Variants in AAK1 observed in about 807,000 individuals in gnomAD.
AAK1 encodes the protein AP2-associated protein kinase 1.
A neutral mutation model predicts 116.0 loss-of-function variants in AAK1; 37 were observed. That is an observed-to-expected ratio of 0.32 (90% CI 0.25 to 0.42). The LOEUF (loss-of-function observed/expected upper bound fraction) is 0.42, where lower values mean the gene tolerates loss of function less well. Ranked by LOEUF, AAK1 falls within the 10% of genes least tolerant of loss-of-function variation. AAK1 has a pLI of 1.00. For synonymous variants in AAK1, 458 were observed against 439.9 expected (o/e 1.04, Z -0.51); for missense variants, 919 against 1,170.6 (o/e 0.79, Z 3.14).
intron 3 of AAK1, among the ~76,000 whole-genome samples, chr2:69,551,220 C>T (rs549152611): frequency 5.9e-5 from 9 of 152,076 alleles, no homozygotes; most frequent in East Asian, 1.9e-4. Flanking sequence ...TAGCGGGTAA[C>T]GACACACACT....
Position 69,530,667 on chromosome 2 carries a change from G to A in AAK1, c.696C>T (p.Asn232=). The change falls in exon 7 of 22, where the codon AAC becomes AAT. Residue 232 remains asparagine (N), a synonymous_variant. Transcript: ENST00000409085. Reference sequence around the variant, plus strand: ...TAGTGATGATTTTGCCACTGTACAGGTTGACCATTTCTGGTGCTCGATAGG... The same window carrying A: ...TAGTGATGATTTTGCCACTGTACAGATTGACCATTTCTGGTGCTCGATAGG... ...TLSYRAPEMV[N]LYSGKIITTK... The A allele has an allele frequency of 1.2e-6, 2 of 1,613,768 alleles. No individual in the cohort carries two copies. The highest frequency in any genetic ancestry group is 1.7e-6 in the Non-Finnish European group (2 of 1,179,746).
intron 2 of AAK1, among the ~76,000 whole-genome samples, chr2:69,601,353 G>A (rs1330474140): frequency 6.6e-6 from 1 of 152,230 alleles, no homozygotes; most frequent in Non-Finnish European, 1.5e-5. Context: ...AGAGTTGTCT[G>A]ATAAGATAAG....
chr2:69,470,456 T>C lies in AAK1; in HGVS notation c.*5413A>G. 2 of 985,412 alleles carry C rather than the reference T, an allele frequency of 2.0e-6. No homozygotes were observed. The highest frequency in any genetic ancestry group is 2.4e-6 in the Non-Finnish European group (2 of 829,940). The allele number at this position is 985,412 out of a possible 1,614,324, so 61.0% of individuals were successfully genotyped here. On this transcript the variant is annotated 3_prime_UTR_variant, in exon 22 of 22. Coordinates refer to ENST00000409085, the MANE Select transcript of AAK1 (RefSeq NM_014911.5). ...TTGGTTCCACCATATATTAGGTAGC[T>C]GCATTAAAACCCACGACTGGGAAAT...
At chr2:69,514,826 T>C in intron 12 of AAK1, 77 bp from the exon 13 acceptor site, 1 of 1,445,004 alleles carries the variant, frequency 6.9e-7, no homozygotes, top group Non-Finnish European at 9.2e-7. Flanking sequence ...TCAAAAACAA[T>C]GAAGACCAGT....
rs762063004 is a variant in AAK1, at chr2:69,495,836, T to C, written c.2365+149A>G. The C allele has an allele frequency of 5.0e-4, 315 of 629,374 alleles. 1 individual carries two copies. The highest frequency in any genetic ancestry group is 7.4e-4 in the Non-Finnish European group (275 of 373,080). The allele number at this position is 629,374 out of a possible 1,614,324, so 39.0% of individuals were successfully genotyped here. Reference sequence around the variant, plus strand: ...CTCCAGGACAAGTTTACTCCTCTTATTGAGACACAGTAAAAATATACAACA... The same window carrying C: ...CTCCAGGACAAGTTTACTCCTCTTACTGAGACACAGTAAAAATATACAACA... On this transcript the variant is annotated intron_variant, in intron 17 of 21. Coordinates refer to ENST00000409085, the MANE Select transcript of AAK1 (RefSeq NM_014911.5).
chr2:69,497,552 G>A (rs911688731), intron 16 of AAK1, among the ~76,000 whole-genome samples: 4 of 151,446 alleles, frequency 2.6e-5, no homozygotes, highest in African/African-American at 7.3e-5. Flanking sequence ...CAACTGCCTC[G>A]GCCTCCCAAA....
intron 17 of AAK1, among the ~76,000 whole-genome samples, chr2:69,485,180 CTTTTAAGTTAGCACTCATA>C (rs1675245146): frequency 1.3e-5 from 2 of 152,144 alleles, no homozygotes; most frequent in South Asian, 4.1e-4. Flanking sequence ...TTACTTGCTT[CTTTTAAGTTAGCACTCATA>C]TATTTGCAAT....
At chr2:69,607,533 T>C (rs1673863126) in intron 2 of AAK1, among the ~76,000 whole-genome samples, 1 of 152,168 alleles carries the variant, frequency 6.6e-6, no homozygotes, top group Non-Finnish European at 1.5e-5. Context: ...AATAAAATAA[T>C]TTATCAAACA....
At chr2:69,627,389 A>T (rs970988808) in intron 2 of AAK1, among the ~76,000 whole-genome samples, 1 of 152,142 alleles carries the variant, frequency 6.6e-6, no homozygotes, top group Non-Finnish European at 1.5e-5. Flanking sequence ...CTGCTGATAC[A>T]TGCTACACGG....
chr2:69,585,755 G>A (rs756945677), intron 2 of AAK1, among the ~76,000 whole-genome samples: 4 of 152,132 alleles, frequency 2.6e-5, no homozygotes, highest in Non-Finnish European at 5.9e-5. Flanking sequence ...AGGAAAAGAG[G>A]ATGACCTTTC....
Position 69,471,926 on chromosome 2 carries a change from GA to G in AAK1, c.*3942del. 1.0e-6 allele frequency: 1 copy of G among 985,338 alleles called. No individual in the cohort carries two copies. Among genetic ancestry groups the G allele is most frequent in the African/African-American group, 1.7e-5 (1 of 57,360 alleles). 61.0% of individuals were successfully genotyped at this position (985,338 alleles called of 1,614,324 possible). A position where few individuals can be genotyped will look rare whatever the true frequency, so the allele number is the denominator to read the frequency against. Reference sequence around the variant, plus strand: ...TAATAAAACAAATATTACATCTTGAGAAAGTAGTTCGTTTCTTGGGTTTGTT... The same window carrying G: ...TAATAAAACAAATATTACATCTTGAGAAGTAGTTCGTTTCTTGGGTTTGTT... On this transcript the variant is annotated 3_prime_UTR_variant, in exon 22 of 22. Transcript: ENST00000409085.
chr2:69,519,261 A>G, intron 11 of AAK1, 21 bp from the exon 12 acceptor site: 6 of 1,517,538 alleles, frequency 4.0e-6, no homozygotes, highest in Non-Finnish European at 4.4e-6. Flanking sequence ...AATAAAGTCC[A>G]TGTAAGGGTT....
chr2:69,516,567 G>A (rs1163152410), intron 12 of AAK1, among the ~76,000 whole-genome samples: 1 of 152,066 alleles, frequency 6.6e-6, no homozygotes, highest in Non-Finnish European at 1.5e-5. Context: ...AAGAAAAATG[G>A]ATGATTTCAA....
At chr2:69,601,704 C>T (rs1276327012) in intron 2 of AAK1, among the ~76,000 whole-genome samples, 2 of 152,136 alleles carry the variant, frequency 1.3e-5, no homozygotes, top group South Asian at 2.1e-4. Flanking sequence ...TCTGCCTAAA[C>T]GGACTGAATG....
intron 9 of AAK1, 108 bp downstream of exon 9, chr2:69,527,108 A>T: frequency 1.3e-6 from 1 of 775,930 alleles, no homozygotes; most frequent in Non-Finnish European, 2.2e-6. Flanking sequence ...CCCCCAGTAG[A>T]TAAAGCAAGG....
chr2:69,524,979 C>G, intron 10 of AAK1, 54 bp downstream of exon 10: 1 of 1,517,194 alleles, frequency 6.6e-7, no homozygotes, highest in Non-Finnish European at 9.2e-7. Context: ...AGGCATCATT[C>G]CCTGCTGCTG....
At chr2:69,513,251 G>A (rs568661481) in intron 13 of AAK1, among the ~76,000 whole-genome samples, 3 of 152,038 alleles carry the variant, frequency 2.0e-5, no homozygotes, top group South Asian at 2.1e-4. Context: ...GCTTCCTTTC[G>A]AAGCGATGTA....
At chr2:69,643,448 C>A (rs1195330477) in intron 1 of AAK1, 127 bp downstream of exon 1, 4 of 1,198,694 alleles carry the variant, frequency 3.3e-6, no homozygotes, top group South Asian at 4.2e-5. Flanking sequence ...CCGGGACCCC[C>A]GAGCCGGGAG....
intron 2 of AAK1, among the ~76,000 whole-genome samples, chr2:69,601,150 T>C (rs537084968): frequency 6.6e-6 from 1 of 152,368 alleles, no homozygotes; most frequent in South Asian, 2.1e-4. Context: ...ACTGTGATAT[T>C]TGCTTTATTG....
Sources: allele counts gnomAD v4.1 joint callset (sites outside exome capture counted in the v4.1 genomes callset), GRCh38; gene constraint gnomAD v4.1.1; transcripts MANE v1.5; gene names NCBI Gene and HGNC (gene_info 2026-07-23, HGNC 2026-07-21).